The following CCSER1 variants were observed in gnomAD, a reference collection of about 807,000 sequenced individuals.
CCSER1 encodes serine-rich coiled-coil domain-containing protein 1.
In CCSER1, 41 loss-of-function variants were observed where a neutral mutation model predicts 82.0. That is an observed-to-expected ratio of 0.50 (90% CI 0.39 to 0.65). The LOEUF (loss-of-function observed/expected upper bound fraction) is 0.65, where lower values mean the gene tolerates loss of function less well. CCSER1 is among the 30% of genes least tolerant of loss of function. The pLI, the probability that CCSER1 is intolerant of heterozygous loss-of-function variation, is 0.00. For missense variants in CCSER1, 1,119 were observed against 1,064.2 expected (o/e 1.05, Z -0.72); for synonymous variants, 414 against 383.9 (o/e 1.08, Z -0.92).
intron 9 of CCSER1, among the ~76,000 whole-genome samples, chr4:91,074,061 G>A (rs1266732552): frequency 1.3e-5 from 2 of 152,268 alleles, no homozygotes; most frequent in Middle Eastern, 3.4e-3. Context: ...GACTCTTGTC[G>A]TTCTTTGGGC....
intron 6 of CCSER1, among the ~76,000 whole-genome samples, chr4:90,708,351 T>A (rs1739801096): frequency 6.6e-6 from 1 of 152,200 alleles, no homozygotes; most frequent in Non-Finnish European, 1.5e-5. Context: ...GTTCTCTGCA[T>A]GTGATCCTGC....
chr4:91,538,698 C>CATATATATATATATAATATATAT (rs1553952293), intron 10 of CCSER1, among the ~76,000 whole-genome samples: 42 of 138,324 alleles, frequency 3.0e-4, no homozygotes, highest in Non-Finnish European at 4.7e-4. Context: ...TATATATACA[C>CATATATATATATATAATATATAT]ATATATATAT....
At chr4:91,575,798 G>A (rs571034501) in intron 10 of CCSER1, among the ~76,000 whole-genome samples, 5 of 151,658 alleles carry the variant, frequency 3.3e-5, no homozygotes, top group Non-Finnish European at 5.9e-5. Context: ...TAAAACAACA[G>A]TAAAATACCT....
At chr4:90,570,136 A>G (rs1407035835) in intron 5 of CCSER1, among the ~76,000 whole-genome samples, 1 of 152,176 alleles carries the variant, frequency 6.6e-6, no homozygotes, top group Non-Finnish European at 1.5e-5. Context: ...GGACTGTGTC[A>G]TGGCTTTGTG....
intron 10 of CCSER1, among the ~76,000 whole-genome samples, chr4:91,148,677 T>C (rs1415253292): frequency 1.3e-5 from 2 of 152,060 alleles, no homozygotes; most frequent in Non-Finnish European, 2.9e-5. Context: ...ATGTTCCGCA[T>C]CCTGTGTCCA....
At chr4:91,451,192 C>T (rs921534388) in intron 10 of CCSER1, among the ~76,000 whole-genome samples, 3 of 151,996 alleles carry the variant, frequency 2.0e-5, no homozygotes, top group African/African-American at 7.2e-5. Flanking sequence ...AGGCCTTATG[C>T]TCATGACCTA....
At chr4:90,597,587 A>G (rs960007545) in intron 5 of CCSER1, among the ~76,000 whole-genome samples, 1 of 152,044 alleles carries the variant, frequency 6.6e-6, no homozygotes, top group Non-Finnish European at 1.5e-5. Context: ...ATGTTATGAG[A>G]TACATATAGA....
intron 6 of CCSER1, among the ~76,000 whole-genome samples, chr4:90,636,504 T>C (rs1427372797): frequency 6.6e-6 from 1 of 152,032 alleles, no homozygotes; most frequent in Non-Finnish European, 1.5e-5. Flanking sequence ...CGTGTAGCAA[T>C]ATGTAAATAA....
intron 1 of CCSER1, among the ~76,000 whole-genome samples, chr4:90,254,924 A>G (rs981625965): frequency 1.3e-5 from 2 of 152,044 alleles, no homozygotes; most frequent in African/African-American, 4.8e-5. Flanking sequence ...ATTTACTAAA[A>G]TATCTGTATG....
intron 10 of CCSER1, among the ~76,000 whole-genome samples, chr4:91,344,480 T>C (rs1747923301): frequency 1.3e-5 from 2 of 152,206 alleles, no homozygotes; most frequent in Admixed American, 1.3e-4. Flanking sequence ...TGTAATGTAA[T>C]GTGTAGTAAT....
intron 1 of CCSER1, among the ~76,000 whole-genome samples, chr4:90,194,190 C>G (rs187149150): frequency 2.8e-4 from 43 of 151,994 alleles, no homozygotes; most frequent in Non-Finnish European, 5.6e-4. Context: ...GATTTGCAGC[C>G]CAGTTACTTG....
chr4:91,113,386 G>A (rs1726256757), intron 10 of CCSER1, among the ~76,000 whole-genome samples: 2 of 152,190 alleles, frequency 1.3e-5, no homozygotes, highest in African/African-American at 4.8e-5. Context: ...CCTACTGTGT[G>A]CCAAGACTTT....
In CCSER1 at chr4:91,250,040, G is replaced by A. The variant is rs201150707; in HGVS notation, c.2217+164046G>A. ...ATTCATTTCCATGATTTCATGACAT[G>A]TAATTTTCTTTAGGACTATGATTTC... On this transcript the variant is annotated intron_variant, in intron 10 of 10. Coordinates refer to ENST00000509176, the MANE Select transcript of CCSER1 (RefSeq NM_001145065.2). Among the ~76,000 whole-genome samples the A allele has an allele frequency of 2.0e-4, 30 of 151,576 alleles. 1 individual carries two copies. In the East Asian group the frequency reaches 5.3e-3, roughly 27 times the overall value.
intron 10 of CCSER1, among the ~76,000 whole-genome samples, chr4:91,460,819 C>T (rs1009750380): frequency 2.6e-5 from 4 of 152,048 alleles, no homozygotes; most frequent in Non-Finnish European, 5.9e-5. Flanking sequence ...TTGTATGCTA[C>T]AGAGAAGGAT....
In CCSER1 at chr4:91,013,629, G is replaced by A. The variant is rs1478845370; in HGVS notation, c.2173-72321G>A. Among the ~76,000 whole-genome samples, 4 of 117,794 alleles carry A rather than the reference G, an allele frequency of 3.4e-5. 1 individual carries two copies. Among genetic ancestry groups the A allele is most frequent in the Non-Finnish European group, 7.8e-5 (4 of 51,370 alleles). 77.3% of individuals were successfully genotyped at this position (117,794 alleles called of 152,430 possible). A position where few individuals can be genotyped will look rare whatever the true frequency, so the allele number is the denominator to read the frequency against. ...CTTTTTTTTTTTTTTTTGAGATGGA[G>A]TCTTGCTCTGTCAACCAGGCTGGAG... On this transcript the variant is annotated intron_variant, in intron 9 of 10. Transcript: ENST00000509176.
chr4:90,135,496 A>G (rs1006639122), intron 1 of CCSER1, among the ~76,000 whole-genome samples: 17 of 152,282 alleles, frequency 1.1e-4, no homozygotes, highest in African/African-American at 4.1e-4. Flanking sequence ...ATCTCCAAAC[A>G]TTGCTAGCTC....
In CCSER1 at chr4:91,190,198, C is replaced by T. The variant is rs376116066; in HGVS notation, c.2217+104204C>T. Among the ~76,000 whole-genome samples the T allele has an allele frequency of 3.9e-4, 59 of 152,286 alleles. 1 individual carries two copies. The South Asian group carries it at 7.1e-3, about 18-fold the overall frequency. On this transcript the variant is annotated intron_variant, in intron 10 of 10. Coordinates refer to ENST00000509176, the MANE Select transcript of CCSER1 (RefSeq NM_001145065.2). ...CTCTTAGATGACTAGGATGGACAAG[C>T]GGTACAATCTCAGGGAAACTTTCTC...
intron 3 of CCSER1, among the ~76,000 whole-genome samples, chr4:90,326,167 TC>T (rs1396409192): frequency 2.7e-5 from 4 of 150,170 alleles, no homozygotes; most frequent in Non-Finnish European, 1.5e-5. Context: ...CAGGCCATTC[TC>T]CTGCCTCAGC....
chr4:90,242,197 C>T (rs1328299608), intron 1 of CCSER1, among the ~76,000 whole-genome samples: 1 of 152,148 alleles, frequency 6.6e-6, no homozygotes, highest in African/African-American at 2.4e-5. Flanking sequence ...ATCCCAGTTA[C>T]TTGGGAGGTT....
Sources: allele counts gnomAD v4.1 joint callset (sites outside exome capture counted in the v4.1 genomes callset), GRCh38; gene constraint gnomAD v4.1.1; transcripts MANE v1.5; gene names NCBI Gene and HGNC (gene_info 2026-07-23, HGNC 2026-07-21).